PTPRD: variants seen among roughly 807,000 people sequenced by gnomAD.
PTPRD encodes the protein receptor-type tyrosine-protein phosphatase delta.
A neutral mutation model predicts 214.5 loss-of-function variants in PTPRD; 34 were observed. That is an observed-to-expected ratio of 0.16 (90% CI 0.12 to 0.21). The LOEUF (loss-of-function observed/expected upper bound fraction) is 0.21, where lower values mean the gene tolerates loss of function less well. Among genes scored for constraint, PTPRD ranks in the 10% least tolerant of loss-of-function variants. The pLI, the probability that PTPRD is intolerant of heterozygous loss-of-function variation, is 1.00. For synonymous variants in PTPRD, 1,128 were observed against 845.7 expected, an observed-to-expected ratio of 1.33 and a Z score of -5.79; for missense variants, 2,545 against 2,398.7, an observed-to-expected ratio of 1.06 and a Z score of -1.27.
At chr9:10,232,427 A>T (rs2099614735) in intron 3 of PTPRD, among the ~76,000 whole-genome samples, 1 of 151,978 alleles carries the variant, frequency 6.6e-6, no homozygotes. Flanking sequence ...GTTTCCTAGA[A>T]ACAGAGCTCT....
intron 9 of PTPRD, among the ~76,000 whole-genome samples, chr9:9,272,990 CTG>C (rs1301866509): frequency 6.6e-6 from 1 of 151,252 alleles, no homozygotes; most frequent in African/African-American, 2.4e-5. Flanking sequence ...TGTTGTGAAG[CTG>C]TCTTTGTGAT....
intron 11 of PTPRD, among the ~76,000 whole-genome samples, chr9:8,795,527 A>G (rs979976330): frequency 6.6e-6 from 1 of 152,200 alleles, no homozygotes; most frequent in Non-Finnish European, 1.5e-5. Context: ...ATGGAGAATT[A>G]ATTTCACACA....
At chr9:9,933,551 A>G (rs9699424) in intron 5 of PTPRD, among the ~76,000 whole-genome samples, 1 of 151,680 alleles carries the variant, frequency 6.6e-6, no homozygotes, top group Non-Finnish European at 1.5e-5. Flanking sequence ...ATATACACCC[A>G]ACACAGGAGC....
At chr9:8,940,714 C>T (rs1471366652) in intron 11 of PTPRD, among the ~76,000 whole-genome samples, 1 of 152,016 alleles carries the variant, frequency 6.6e-6, no homozygotes, top group Non-Finnish European at 1.5e-5. Context: ...AGACACTCTC[C>T]ATCTTTCCCA....
intron 4 of PTPRD, among the ~76,000 whole-genome samples, chr9:9,943,767 C>T (rs1342924078): frequency 6.6e-6 from 1 of 152,032 alleles, no homozygotes; most frequent in Non-Finnish European, 1.5e-5. Context: ...GCCTTAAACC[C>T]ATAGCATGCT....
chr9:9,120,208 G>A (rs1388827763), intron 10 of PTPRD, among the ~76,000 whole-genome samples: 2 of 152,190 alleles, frequency 1.3e-5, no homozygotes, highest in African/African-American at 4.8e-5. Context: ...GTACTAGACT[G>A]AAGAAATCTG....
chr9:8,423,795 AC>A (rs768091657), intron 35 of PTPRD, among the ~76,000 whole-genome samples: 12 of 152,086 alleles, frequency 7.9e-5, no homozygotes, highest in Non-Finnish European at 1.8e-4. Context: ...GAGTCTTTAC[AC>A]CTTTAAATCC....
At chr9:10,019,493 C>A (rs2154117733) in intron 4 of PTPRD, among the ~76,000 whole-genome samples, 1 of 152,178 alleles carries the variant, frequency 6.6e-6, no homozygotes, top group African/African-American at 2.4e-5. Context: ...TTTATTGTGG[C>A]ACTATTCACA....
chr9:10,386,423 G>C (rs1443442867), intron 2 of PTPRD, among the ~76,000 whole-genome samples: 1 of 151,770 alleles, frequency 6.6e-6, no homozygotes, highest in East Asian at 1.9e-4. Flanking sequence ...TTATCACATA[G>C]GGTTGAGGAA....
At chr9:9,582,571 C>G (rs56398723) in intron 7 of PTPRD, among the ~76,000 whole-genome samples, 51,179 of 151,772 alleles carry the variant, frequency 0.34, 9,046 homozygotes, top group African/African-American at 0.41. Context: ...GAGAATAAAA[C>G]GTGGGAGGAA....
chr9:8,575,374 C>T (rs1234163475), intron 14 of PTPRD, among the ~76,000 whole-genome samples: 1 of 152,112 alleles, frequency 6.6e-6, no homozygotes, highest in Non-Finnish European at 1.5e-5. Flanking sequence ...GAAAAAGCAG[C>T]AATTTAATTC....
intron 5 of PTPRD, among the ~76,000 whole-genome samples, chr9:9,792,262 G>T (rs2098973441): frequency 6.6e-6 from 1 of 151,864 alleles, no homozygotes. Flanking sequence ...ATTTAATGCT[G>T]TTTCAGGTAG....
At position 9,574,199 on chromosome 9, in the gene PTPRD, A is replaced by G. The variant is rs1029473476; in HGVS notation, c.-237+533T>C. Among the ~76,000 whole-genome samples the G allele has an allele frequency of 3.9e-5, 6 of 151,936 alleles. No homozygotes were observed. The East Asian group carries it at 7.7e-4, about 20-fold the overall frequency. On this transcript the variant is annotated intron_variant, in intron 8 of 45. Transcript: ENST00000381196. ...ATTTTTGACAAACCTTATTGAATAC[A>G]TATAACCACAGAAGTTAATGAATAA...
At chr9:8,808,464 T>G (rs2096732849) in intron 11 of PTPRD, among the ~76,000 whole-genome samples, 1 of 35,836 alleles carries the variant, frequency 2.8e-5, no homozygotes, top group East Asian at 5.9e-4. Context: ...CCCCCCACCT[T>G]TTTTTTTTTT....
At chr9:9,385,875 G>A (rs895100446) in intron 9 of PTPRD, among the ~76,000 whole-genome samples, 3 of 152,124 alleles carry the variant, frequency 2.0e-5, no homozygotes, top group African/African-American at 7.2e-5. Flanking sequence ...TGTCATTTAA[G>A]CCTAACTATG....
At chr9:10,331,217 G>C (rs1394295994) in intron 3 of PTPRD, among the ~76,000 whole-genome samples, 1 of 151,826 alleles carries the variant, frequency 6.6e-6, no homozygotes, top group African/African-American at 2.4e-5. Flanking sequence ...GCAGATACTG[G>C]TTTGAAAGAG....
At chr9:9,141,170 TTCTC>T (rs147067993) in intron 10 of PTPRD, among the ~76,000 whole-genome samples, 1 of 137,204 alleles carries the variant, frequency 7.3e-6, no homozygotes, top group African/African-American at 2.7e-5. Flanking sequence ...TCCCCTCCTC[TTCTC>T]TCTCTCTCTC....
At chr9:8,706,638 G>A (rs762418008) in intron 12 of PTPRD, among the ~76,000 whole-genome samples, 1 of 152,160 alleles carries the variant, frequency 6.6e-6, no homozygotes, top group African/African-American at 2.4e-5. Flanking sequence ...GCAGAGATGC[G>A]TGAGCATATG....
chr9:8,640,926 G>C lies in PTPRD; in HGVS notation c.65-4082C>G, dbSNP rs953656207. Among the ~76,000 whole-genome samples, 7 of 149,160 alleles carry C rather than the reference G, an allele frequency of 4.7e-5. 2 individuals carry two copies. The highest frequency in any genetic ancestry group is 1.6e-4 in the African/African-American group (6 of 38,548). On this transcript the variant is annotated intron_variant, in intron 12 of 45. Coordinates refer to ENST00000381196, the MANE Select transcript of PTPRD (RefSeq NM_002839.4). The stretch of plus-strand genomic sequence containing the variant: ...TTTTTGCTGGTCAAACTCTCAGATG[G>C]TGTCTGTCAATGCTAGGCAGCCAGC...
Sources: gnomAD v4.1 joint callset for allele counts (sites outside exome capture counted in the v4.1 genomes callset) on GRCh38, gnomAD v4.1.1 for gene constraint, MANE v1.5 for transcripts, NCBI Gene and HGNC (gene_info 2026-07-23, HGNC 2026-07-21) for gene names.